The following CHRM3 variants were observed in gnomAD, a reference collection of about 807,000 sequenced individuals.
CHRM3 encodes the protein muscarinic acetylcholine receptor M3.
CHRM3 carries 11 observed loss-of-function variants against 41.8 expected under a neutral mutation model. The observed-to-expected ratio is 0.26, with a 90% confidence interval of 0.17 to 0.44. The LOEUF is 0.44. CHRM3 is among the 20% of genes least tolerant of loss of function. CHRM3 has a pLI of 1.00. For missense variants in CHRM3, 571 were observed against 745.4 expected (o/e 0.77, Z 2.72); for synonymous variants, 297 against 301.4 (o/e 0.99, Z 0.15).
chr1:239,391,503 G>C (rs1025694808), intron 1 of CHRM3, among the ~76,000 whole-genome samples: 15 of 152,090 alleles, frequency 9.9e-5, no homozygotes, highest in Non-Finnish European at 1.9e-4. Flanking sequence ...CCTCTGGCAG[G>C]CTCTCTCTTT....
At position 239,909,818 on chromosome 1, in the gene CHRM3, C is replaced by T. The variant is rs1256795771; in HGVS notation, c.*594C>T. On this transcript the variant is annotated 3_prime_UTR_variant, in exon 7 of 7. Transcript: ENST00000676153. Reference sequence around the variant, plus strand: ...GTACTGTTTTGTGCAGTTCAAGTTTCGTACAAATAAAAATACTTAAGTATA... The same window carrying T: ...GTACTGTTTTGTGCAGTTCAAGTTTTGTACAAATAAAAATACTTAAGTATA... The T allele has an allele frequency of 2.4e-5, 4 of 167,214 alleles. No individual in the cohort carries two copies. The highest frequency in any genetic ancestry group is 9.7e-5 in the African/African-American group (4 of 41,402). The allele number at this position is 167,214 out of a possible 1,614,324, so 10.4% of individuals were successfully genotyped here.
intron 6 of CHRM3, among the ~76,000 whole-genome samples, chr1:239,889,094 G>C (rs559279299): frequency 2.6e-5 from 4 of 152,144 alleles, no homozygotes; most frequent in African/African-American, 9.7e-5. Context: ...TTTAACAGGC[G>C]TAAGAAACAG....
intron 5 of CHRM3, chr1:239,707,255 T>G (rs187710813): frequency 9.2e-5 from 14 of 152,268 alleles, no homozygotes; most frequent in African/African-American, 3.4e-4. Context: ...CCAAAAAGAT[T>G]CCAGACATTT....
intron 3 of CHRM3, among the ~76,000 whole-genome samples, chr1:239,605,419 C>T (rs780213220): frequency 2.0e-5 from 3 of 152,154 alleles, no homozygotes; most frequent in Non-Finnish European, 4.4e-5. Context: ...GTGTAGTAAG[C>T]TACACCATCT....
At chr1:239,665,093 CCT>C (rs1673641345) in intron 4 of CHRM3, among the ~76,000 whole-genome samples, 1 of 151,130 alleles carries the variant, frequency 6.6e-6, no homozygotes, top group Non-Finnish European at 1.5e-5. Context: ...TTTTCTCCAT[CCT>C]CTCTCTCTTG....
intron 4 of CHRM3, among the ~76,000 whole-genome samples, chr1:239,642,560 G>A (rs979272938): frequency 2.0e-5 from 3 of 152,058 alleles, no homozygotes; most frequent in African/African-American, 4.8e-5. Context: ...GATCGCATCG[G>A]CTCCTGAGGC....
At position 239,658,201 on chromosome 1, in the gene CHRM3, TA is replaced by T. The variant is rs1200535335; in HGVS notation, c.-249-19982del. 2.6e-5 allele frequency among the ~76,000 whole-genome samples: 4 copies of T among 152,188 alleles called. No individual in the cohort carries two copies. The South Asian group carries it at 8.3e-4, about 31-fold the overall frequency. ...GATTGACTCTTTGGGCTTCAAACAA[TA>T]AAGCGAGTTTACTATCATAAAACAA... is the stretch of plus-strand genomic sequence containing the variant. On this transcript the variant is annotated intron_variant, in intron 4 of 6. Coordinates refer to ENST00000676153, the MANE Select transcript of CHRM3 (RefSeq NM_001375978.1).
At chr1:239,848,853 G>T (rs746804505) in intron 6 of CHRM3, among the ~76,000 whole-genome samples, 1 of 152,074 alleles carries the variant, frequency 6.6e-6, no homozygotes, top group African/African-American at 2.4e-5. Flanking sequence ...TGGTATAAAC[G>T]TGTCATGGTG....
intron 6 of CHRM3, among the ~76,000 whole-genome samples, chr1:239,895,882 T>C (rs1031520089): frequency 1.3e-5 from 2 of 152,146 alleles, no homozygotes; most frequent in South Asian, 4.1e-4. Flanking sequence ...GCTCATTACA[T>C]GAGTGACAAA....
At chr1:239,630,634 G>T (rs908630593) in intron 3 of CHRM3, among the ~76,000 whole-genome samples, 5 of 152,176 alleles carry the variant, frequency 3.3e-5, no homozygotes, top group Non-Finnish European at 7.3e-5. Context: ...ATTTCCTATA[G>T]TAGGAATGGG....
At chr1:239,807,139 T>C (rs964899935) in intron 5 of CHRM3, among the ~76,000 whole-genome samples, 1 of 152,194 alleles carries the variant, frequency 6.6e-6, no homozygotes, top group African/African-American at 2.4e-5. Flanking sequence ...GTGAACACAA[T>C]AAGAACATAA....
At chr1:239,485,305 T>C (rs1667115369) in intron 1 of CHRM3, among the ~76,000 whole-genome samples, 1 of 151,996 alleles carries the variant, frequency 6.6e-6, no homozygotes, top group South Asian at 2.1e-4. Flanking sequence ...AATCTTATTA[T>C]TATTATTATT....
intron 5 of CHRM3, among the ~76,000 whole-genome samples, chr1:239,826,317 T>C (rs760055327): frequency 1.3e-5 from 2 of 152,210 alleles, no homozygotes; most frequent in Non-Finnish European, 2.9e-5. Context: ...TGCGATCTTA[T>C]AGTTCCTGTT....
At chr1:239,758,085 C>G (rs1213374617) in intron 5 of CHRM3, among the ~76,000 whole-genome samples, 1 of 152,176 alleles carries the variant, frequency 6.6e-6, no homozygotes, top group South Asian at 2.1e-4. Context: ...ACACTAAATA[C>G]CTTATACAAC....
intron 6 of CHRM3, among the ~76,000 whole-genome samples, chr1:239,895,255 T>G (rs2102971097): frequency 6.6e-6 from 1 of 152,320 alleles, no homozygotes; most frequent in Non-Finnish European, 1.5e-5. Flanking sequence ...CACTGAATTC[T>G]TTCGTTTCTT....
chr1:239,816,264 G>A (rs1671577593), intron 5 of CHRM3, among the ~76,000 whole-genome samples: 1 of 152,144 alleles, frequency 6.6e-6, no homozygotes, highest in African/African-American at 2.4e-5. Context: ...CAGGCCAAGG[G>A]AATGTGTTTG....
intron 3 of CHRM3, among the ~76,000 whole-genome samples, chr1:239,590,881 A>G (rs1241873422): frequency 2.0e-5 from 3 of 152,170 alleles, no homozygotes; most frequent in Non-Finnish European, 4.4e-5. Context: ...GGAAAAAAAA[A>G]GAAGGTCTGA....
intron 6 of CHRM3, among the ~76,000 whole-genome samples, chr1:239,864,540 A>ACACG (rs1452484052): frequency 3.5e-5 from 5 of 141,010 alleles, no homozygotes; most frequent in African/African-American, 1.3e-4. Flanking sequence ...ACACACACAC[A>ACACG]CACACGCACA....
intron 5 of CHRM3, among the ~76,000 whole-genome samples, chr1:239,685,458 A>C (rs935076738): frequency 2.6e-5 from 4 of 152,188 alleles, no homozygotes; most frequent in Admixed American, 2.6e-4. Flanking sequence ...TTCTCCAAAC[A>C]TTATAGTACA....
Sources: gnomAD v4.1 joint callset for allele counts (sites outside exome capture counted in the v4.1 genomes callset) on GRCh38, gnomAD v4.1.1 for gene constraint, MANE v1.5 for transcripts, NCBI Gene and HGNC (gene_info 2026-07-23, HGNC 2026-07-21) for gene names.